LYRM4: variants seen among roughly 807,000 people sequenced by gnomAD.
LYRM4 encodes the protein LYR motif-containing protein 4.
A neutral mutation model predicts 11.7 loss-of-function variants in LYRM4; 9 were observed. The observed-to-expected ratio is 0.77, with a 90% CI of 0.46 to 1.34. LYRM4 has a LOEUF of 1.34. Among genes scored for constraint, LYRM4 ranks in the 40% most tolerant of loss-of-function variants. LYRM4 has a pLI of 0.00. For synonymous variants in LYRM4, 42 were observed against 40.4 expected, an observed-to-expected ratio of 1.04 and a Z score of -0.15; for missense variants, 133 against 112.5, an observed-to-expected ratio of 1.18 and a Z score of -0.82.
In LYRM4 at chr6:5,183,652, C is replaced by A. The variant is rs148372978; in HGVS notation, c.207+32966G>T. Among the ~76,000 whole-genome samples, 388 of 152,294 alleles carry A rather than the reference C, an allele frequency of 2.5e-3. 1 individual carries two copies. Among genetic ancestry groups the A allele is most frequent in the African/African-American group, 8.6e-3 (358 of 41,564 alleles). ...TCTATTCCCACACCCCTCTTCTCCCCCTTTAGACCGACAAAATCAAGTGTA... is the reference window on the plus strand; with the variant it reads ...TCTATTCCCACACCCCTCTTCTCCCACTTTAGACCGACAAAATCAAGTGTA... On this transcript the variant is annotated intron_variant, in intron 2 of 2. Coordinates refer to ENST00000330636, the MANE Select transcript of LYRM4 (RefSeq NM_020408.6).
At chr6:5,176,372 A>G (rs116562965) in intron 2 of LYRM4, among the ~76,000 whole-genome samples, 2 of 152,138 alleles carry the variant, frequency 1.3e-5, no homozygotes, top group Admixed American at 6.5e-5. Context: ...CTACGCTATT[A>G]AATTTTAAGG....
intron 2 of LYRM4, among the ~76,000 whole-genome samples, chr6:5,113,742 T>G: frequency 6.6e-6 from 1 of 152,072 alleles, no homozygotes; most frequent in East Asian, 1.9e-4. Flanking sequence ...TCTCTTTTTT[T>G]TTTTTTTAGA....
chr6:5,215,766 T>TA (rs2127722806), intron 2 of LYRM4, among the ~76,000 whole-genome samples: 1 of 152,280 alleles, frequency 6.6e-6, no homozygotes, highest in Non-Finnish European at 1.5e-5. Flanking sequence ...CAGCATAACT[T>TA]ACAAAAATGG....
chr6:5,217,505 T>C (rs1762343377), intron 1 of LYRM4, among the ~76,000 whole-genome samples: 1 of 152,242 alleles, frequency 6.6e-6, no homozygotes, highest in Non-Finnish European at 1.5e-5. Flanking sequence ...CACAAGGCCG[T>C]GTCTCCTCAT....
At chr6:5,043,342 TA>T in the LYRM4 span, 1 of 152,180 alleles carries the variant, frequency 6.6e-6, no homozygotes, top group East Asian at 1.9e-4. Flanking sequence ...TTTCGTCTGC[TA>T]ATGCCATGTG....
intron 2 of LYRM4, among the ~76,000 whole-genome samples, chr6:5,187,812 C>T (rs1179716818): frequency 7.5e-6 from 1 of 133,944 alleles, no homozygotes; most frequent in Non-Finnish European, 1.5e-5. Flanking sequence ...GAATTATGTA[C>T]AATATATATT....
At chr6:5,033,369 CAGGGGTGTCTGACTGCA>C in the LYRM4 span, 1 of 152,172 alleles carries the variant, frequency 6.6e-6, no homozygotes, top group Non-Finnish European at 1.5e-5. Context: ...CACAGCCCGC[CAGGGGTGTCTGACTGCA>C]AGGCTAGGGC....
At chr6:5,245,180 T>A in intron 1 of LYRM4, among the ~76,000 whole-genome samples, 1 of 106,456 alleles carries the variant, frequency 9.4e-6, no homozygotes, top group Non-Finnish European at 1.9e-5. Context: ...GGTGAATTTC[T>A]GGAACAAAAA....
the LYRM4 span, among the ~76,000 whole-genome samples, chr6:5,051,129 T>C: frequency 3.3e-5 from 5 of 152,260 alleles, no homozygotes; most frequent in South Asian, 6.2e-4. Flanking sequence ...CTCTGAGGAC[T>C]TGAAGGCCAA....
chr6:5,166,800 G>A (rs1015737761), intron 2 of LYRM4, among the ~76,000 whole-genome samples: 2 of 152,200 alleles, frequency 1.3e-5, no homozygotes, highest in Non-Finnish European at 2.9e-5. Flanking sequence ...GTATGTGAAT[G>A]AATGAAAGTT....
At chr6:5,216,478 T>A in intron 2 of LYRM4, 140 bp downstream of exon 2, 1 of 917,658 alleles carries the variant, frequency 1.1e-6, no homozygotes, top group South Asian at 1.5e-5. Flanking sequence ...CCTTTACATG[T>A]CTGTATTAGT....
chr6:5,212,716 T>C (rs1168516428), intron 2 of LYRM4, among the ~76,000 whole-genome samples: 1 of 152,212 alleles, frequency 6.6e-6, no homozygotes, highest in Non-Finnish European at 1.5e-5. Flanking sequence ...CTCTGCTAAT[T>C]CTGGGCTATG....
the LYRM4 span, among the ~76,000 whole-genome samples, chr6:5,090,074 GCAGT>G: frequency 2.8e-5 from 4 of 144,712 alleles, no homozygotes; most frequent in African/African-American, 8.1e-5. This position sits in a 1 kb window ranked among gnomAD's most constrained non-coding sequence, Gnocchi z 4.8. Flanking sequence ...TCCCTGCAAT[GCAGT>G]CAGTGCTTTT....
intron 2 of LYRM4, among the ~76,000 whole-genome samples, chr6:5,186,163 AGAG>A (rs1220249029): frequency 6.6e-6 from 1 of 152,156 alleles, no homozygotes; most frequent in African/African-American, 2.4e-5. Context: ...CCCTGCAGAT[AGAG>A]GAGAAGGGGA....
At chr6:5,177,514 A>G (rs555133321) in intron 2 of LYRM4, among the ~76,000 whole-genome samples, 3 of 152,336 alleles carry the variant, frequency 2.0e-5, no homozygotes, top group South Asian at 4.1e-4. Context: ...TCAGGTGACC[A>G]TTGTTGAATT....
intron 2 of LYRM4, among the ~76,000 whole-genome samples, chr6:5,201,044 G>A (rs1234834653): frequency 6.6e-6 from 1 of 152,122 alleles, no homozygotes; most frequent in Non-Finnish European, 1.5e-5. Flanking sequence ...GTGGGGGAGT[G>A]AATCATGGTT....
chr6:5,257,019 ACTAGCGTC>A (rs1311111633), intron 1 of LYRM4, among the ~76,000 whole-genome samples: 2 of 152,188 alleles, frequency 1.3e-5, no homozygotes, highest in South Asian at 4.1e-4. Flanking sequence ...TCCTGTCCTT[ACTAGCGTC>A]CTAATCTCTA....
At chr6:5,063,859 G>A in the LYRM4 span, among the ~76,000 whole-genome samples, 1 of 152,150 alleles carries the variant, frequency 6.6e-6, no homozygotes, top group Admixed American at 6.5e-5. Context: ...CCAGCATGTC[G>A]GGAACCTGCC....
chr6:5,180,413 A>G (rs1035328960), intron 2 of LYRM4, among the ~76,000 whole-genome samples: 8 of 152,176 alleles, frequency 5.3e-5, no homozygotes, highest in African/African-American at 1.9e-4. Flanking sequence ...TCTATGCTAA[A>G]GATCTTCCAA....
Sources: allele counts gnomAD v4.1 joint callset (sites outside exome capture counted in the v4.1 genomes callset), GRCh38; gene constraint gnomAD v4.1.1; non-coding constraint Gnocchi (gnomAD v3.1); transcripts MANE v1.5; gene names NCBI Gene and HGNC (gene_info 2026-07-23, HGNC 2026-07-21).